Variants in UGT1A7 observed in about 807,000 individuals in gnomAD.
The protein encoded by UGT1A7 is UDP-glucuronosyltransferase 1A7.
A neutral mutation model predicts 45.6 loss-of-function variants in UGT1A7; 33 were observed. That is an observed-to-expected ratio of 0.72 (90% confidence interval 0.55 to 0.97). The LOEUF is 0.97. Among genes scored for constraint, UGT1A7 ranks in the 50% least tolerant of loss-of-function variants. The probability of loss-of-function intolerance (pLI) is 0.00; values close to 1 mark genes in which losing one functional copy is unlikely to be tolerated. For missense variants in UGT1A7, 684 were observed against 666.2 expected (o/e 1.03, Z -0.29); for synonymous variants, 274 against 250.6 (o/e 1.09, Z -0.88).
chr2:233,682,756 T>C lies in UGT1A7; in HGVS notation c.819T>C (p.Gly273=). ...KPVMPNMIFI[G]GINCHQGKPV... is the part of the protein sequence containing the mutation. ...TGATGCCCAATATGATCTTCATTGGTGGTATCAACTGTCATCAGGGAAAGC... is the reference window on the plus strand; with the variant it reads ...TGATGCCCAATATGATCTTCATTGGCGGTATCAACTGTCATCAGGGAAAGC... Residue 273 remains glycine (G), a synonymous_variant, in exon 1 of 5, where the codon GGT becomes GGC. Coordinates refer to ENST00000373426, the MANE Select transcript of UGT1A7 (RefSeq NM_019077.3). The C allele has an allele frequency of 6.2e-7, 1 of 1,613,846 alleles. No individual in the cohort carries two copies. Among genetic ancestry groups the C allele is most frequent in the South Asian group, 1.1e-5 (1 of 91,056 alleles).
intron 1 of UGT1A7, chr2:233,754,551 G>A (rs1002351204): frequency 7.8e-6 from 3 of 386,102 alleles, no homozygotes; most frequent in African/African-American, 4.2e-5. Context: ...ATTACTTGGT[G>A]TCAATGGGGA....
intron 1 of UGT1A7, chr2:233,721,804 A>G: frequency 1.9e-6 from 1 of 514,924 alleles, no homozygotes; most frequent in South Asian, 1.4e-5. Flanking sequence ...CACATGCAGC[A>G]AAAATCCAGC....
intron 1 of UGT1A7, among the ~76,000 whole-genome samples, chr2:233,684,234 T>C (rs1318494305): frequency 6.6e-6 from 1 of 152,216 alleles, no homozygotes; most frequent in Non-Finnish European, 1.5e-5. Flanking sequence ...AAGCGCTTTC[T>C]AAAAATCAGG....
chr2:233,766,270 C>T (rs1699087800), intron 1 of UGT1A7, among the ~76,000 whole-genome samples: 1 of 67,854 alleles, frequency 1.5e-5, no homozygotes. Flanking sequence ...GGCCCGGGCT[C>T]GGTGGCCCGG....
chr2:233,704,074 A>G (rs2075766194), intron 1 of UGT1A7, among the ~76,000 whole-genome samples: 1 of 151,960 alleles, frequency 6.6e-6, no homozygotes, highest in Admixed American at 6.6e-5. Flanking sequence ...TATTTTTTAT[A>G]GAGACAGAGT....
rs138617806 is a variant in UGT1A7 at position 233,729,585 on chromosome 2, C to A, written c.856-37449C>A. The A allele has an allele frequency of 2.5e-6, 4 of 1,613,966 alleles. No homozygotes were observed. The African/African-American group carries it at 5.3e-5, about 22-fold the overall frequency. The stretch of plus-strand genomic sequence containing the variant: ...CCTTTGATGTGGTTTTAACAGACCC[C>A]GTTAACCTCTGCGCGGCAGTGCTGG... On this transcript the variant is annotated intron_variant, in intron 1 of 4. Coordinates refer to ENST00000373426, the MANE Select transcript of UGT1A7 (RefSeq NM_019077.3).
At chr2:233,726,279 G>C (rs566930046) in intron 1 of UGT1A7, among the ~76,000 whole-genome samples, 9 of 152,210 alleles carry the variant, frequency 5.9e-5, no homozygotes, top group Non-Finnish European at 1.2e-4. Flanking sequence ...TATGGTCCCA[G>C]GTACTTGGGA....
intron 1 of UGT1A7, chr2:233,719,524 C>A: frequency 6.2e-7 from 1 of 1,613,952 alleles, no homozygotes; most frequent in South Asian, 1.1e-5. Flanking sequence ...GCAAGTCTTG[C>A]CTCTGAGCTT....
chr2:233,684,642 A>G (rs2074689250), intron 1 of UGT1A7, among the ~76,000 whole-genome samples: 1 of 152,206 alleles, frequency 6.6e-6, no homozygotes, highest in African/African-American at 2.4e-5. Flanking sequence ...TATAAAATAT[A>G]TGCATTTATA....
At chr2:233,770,952 GA>G (rs1289547688) in intron 4 of UGT1A7, 4 of 152,160 alleles carry the variant, frequency 2.6e-5, no homozygotes, top group African/African-American at 9.7e-5. Context: ...GAACCTCAGG[GA>G]GCTTTTACTC....
intron 1 of UGT1A7, chr2:233,730,077 T>G: frequency 1.2e-6 from 2 of 1,605,094 alleles, no homozygotes; most frequent in South Asian, 2.2e-5. Flanking sequence ...TGCTTCCATA[T>G]TTACTTATCT....
intron 1 of UGT1A7, among the ~76,000 whole-genome samples, chr2:233,738,281 T>C (rs1690748430): frequency 6.6e-6 from 1 of 152,228 alleles, no homozygotes; most frequent in Non-Finnish European, 1.5e-5. Context: ...CCTTTATAAA[T>C]TACCCAGTCT....
At chr2:233,684,175 T>A (rs1300963446) in intron 1 of UGT1A7, among the ~76,000 whole-genome samples, 2 of 152,194 alleles carry the variant, frequency 1.3e-5, no homozygotes, top group African/African-American at 2.4e-5. Flanking sequence ...TATTGGCAGA[T>A]GTTTGGTGAA....
Position 233,725,179 on chromosome 2 carries a change from GAGAGGCAGAGGCAGAGGC to G in UGT1A7, c.856-41831_856-41814del, listed in dbSNP as rs879478240. ...CTCTGCATGAGAGGGAGACCGTGGG[GAGAGGCAGAGGCAGAGGC>G]AGAGGCAGAGGCAGAGGCAGAGGAG... On this transcript the variant is annotated intron_variant, in intron 1 of 4. Coordinates refer to ENST00000373426, the MANE Select transcript of UGT1A7 (RefSeq NM_019077.3). 4.4e-5 allele frequency among the ~76,000 whole-genome samples: 3 copies of G among 67,606 alleles called. 1 individual carries two copies. The highest frequency in any genetic ancestry group is 1.5e-4 in the Admixed American group (1 of 6,876). The allele number at this position is 67,606 out of a possible 152,430, so 44.4% of individuals were successfully genotyped here.
chr2:233,737,111 A>G (rs1182220663), intron 1 of UGT1A7, among the ~76,000 whole-genome samples: 1 of 152,120 alleles, frequency 6.6e-6, no homozygotes. Context: ...TGTTCCCCAC[A>G]TGTTCAGAAG....
chr2:233,759,109 C>A (rs1697056507), intron 1 of UGT1A7, among the ~76,000 whole-genome samples: 1 of 152,128 alleles, frequency 6.6e-6, no homozygotes, highest in Admixed American at 6.5e-5. Flanking sequence ...GTTTGCAAAC[C>A]AGGGAGTTAC....
intron 1 of UGT1A7, chr2:233,692,968 A>T: frequency 6.2e-7 from 1 of 1,609,996 alleles, no homozygotes; most frequent in Non-Finnish European, 8.5e-7. Context: ...GAGAGTGAAA[A>T]CTCTTTATTA....
chr2:233,688,950 A>G (rs1267065025), intron 1 of UGT1A7, among the ~76,000 whole-genome samples: 1 of 152,154 alleles, frequency 6.6e-6, no homozygotes, highest in Non-Finnish European at 1.5e-5. Context: ...ATGAAGCCAA[A>G]TGTTTGGAAT....
Position 233,769,845 on chromosome 2 carries a change from G to T in UGT1A7, c.1295+1406G>T. ...ACTCCAGCAACCTGGGCAACAGAGT[G>T]AGACCCTGTCTCAAAAAAAAAAAAA... On this transcript the variant is annotated intron_variant, in intron 4 of 4. Transcript: ENST00000373426. This position sits in a 1 kb window ranked among gnomAD's most constrained non-coding sequence, Gnocchi z 4.4. The T allele has an allele frequency of 6.0e-6, 3 of 503,862 alleles. No individual in the cohort carries two copies. The highest frequency in any genetic ancestry group is 6.3e-6 in the Non-Finnish European group (2 of 319,128). 31.2% of individuals were successfully genotyped at this position (503,862 alleles called of 1,614,324 possible).
Sources: allele counts gnomAD v4.1 joint callset (sites outside exome capture counted in the v4.1 genomes callset), GRCh38; gene constraint gnomAD v4.1.1; non-coding constraint Gnocchi (gnomAD v3.1); transcripts MANE v1.5; gene names NCBI Gene and HGNC (gene_info 2026-07-23, HGNC 2026-07-21).